Variants in TMEM255A observed in about 807,000 individuals in gnomAD.
The protein encoded by TMEM255A is family with sequence similarity 70, member A.
TMEM255A carries 14 observed loss-of-function variants against 23.5 expected under a neutral mutation model. The observed-to-expected ratio is 0.60, with a 90% CI of 0.39 to 0.93. TMEM255A has a LOEUF of 0.93. TMEM255A is among the 40% of genes least tolerant of loss of function. TMEM255A has a pLI of 0.00. For missense variants in TMEM255A, 233 were observed against 261.7 expected (o/e 0.89, Z 0.76); for synonymous variants, 104 against 100.3 (o/e 1.04, Z -0.22).
downstream of TMEM255A, chrX:120,254,311 C>T: frequency 8.3e-7 from 1 of 1,211,845 alleles, no homozygotes; most frequent in Middle Eastern, 2.3e-4. Flanking sequence ...TCTTCACTTC[C>T]AAATCATATG....
intron 8 of TMEM255A, 85 bp from the exon 9 acceptor site, chrX:120,261,113 C>A (rs2057677006): frequency 3.1e-5 from 33 of 1,079,703 alleles, no homozygotes; most frequent in Non-Finnish European, 3.9e-5. Flanking sequence ...TGAATATGGG[C>A]CAAAGCTTTT....
intron 6 of TMEM255A, among the ~76,000 whole-genome samples, chrX:120,279,425 T>C (rs1556020387): frequency 1.8e-5 from 2 of 112,450 alleles, no homozygotes; most frequent in Admixed American, 9.4e-5. Flanking sequence ...GCAGGGAGGA[T>C]GCACAGATTA....
intron 1 of TMEM255A, among the ~76,000 whole-genome samples, chrX:120,306,247 A>C (rs1220349220): frequency 9.0e-6 from 1 of 111,302 alleles, no homozygotes; most frequent in African/African-American, 3.3e-5. Flanking sequence ...TGGTAAACAC[A>C]GGAGCAAAGC....
intron 2 of TMEM255A, among the ~76,000 whole-genome samples, chrX:120,300,007 T>TG (rs1340898921): frequency 3.6e-5 from 4 of 112,101 alleles, no homozygotes; most frequent in Admixed American, 1.9e-4. Flanking sequence ...CAGAAATTCT[T>TG]GCTCTCTTTC....
intron 1 of TMEM255A, 111 bp from the exon 2 acceptor site, chrX:120,304,602 G>T: frequency 1.2e-6 from 1 of 833,019 alleles, no homozygotes; most frequent in African/African-American, 2.0e-5. Flanking sequence ...GGTAACTGAA[G>T]TTATCTTTGG....
chrX:120,300,515 G>A (rs1042605244), intron 2 of TMEM255A, among the ~76,000 whole-genome samples: 4 of 105,169 alleles, frequency 3.8e-5, no homozygotes, highest in Admixed American at 1.0e-4. Flanking sequence ...AGCCTCCCAC[G>A]TAACTGGGAC....
At chrX:120,256,561 T>C (rs782807099), downstream of TMEM255A, 5 of 122,852 alleles carry the variant, frequency 4.1e-5, no homozygotes, top group African/African-American at 1.3e-4. Context: ...TGCAATATTA[T>C]AGTAATCAGA....
intron 7 of TMEM255A, among the ~76,000 whole-genome samples, chrX:120,271,426 T>C (rs1203745657): frequency 8.9e-6 from 1 of 111,793 alleles, no homozygotes; most frequent in Admixed American, 9.5e-5. Flanking sequence ...AAAGTAGTAA[T>C]AGTGAAGATT....
chrX:120,304,623 TG>T (rs2058052733), intron 1 of TMEM255A, 132 bp from the exon 2 acceptor site: 1 of 607,028 alleles, frequency 1.6e-6, no homozygotes, highest in Non-Finnish European at 2.6e-6. Flanking sequence ...TGGTGACGGG[TG>T]GGGGGTTGTG....
chrX:120,285,909 G>A lies in TMEM255A; in HGVS notation c.424-694C>T. 2.5e-6 allele frequency: 3 copies of A among 1,181,408 alleles called. No homozygotes were observed. The South Asian group carries it at 5.4e-5, about 21-fold the overall frequency. ...TACCATCTCTTGTTAGCAAGAAATT[G>A]TCCAGCTCTCTCCCCCATCCAGATG... On this transcript the variant is annotated intron_variant, in intron 5 of 8. Coordinates refer to ENST00000371369, the MANE Select transcript of TMEM255A (RefSeq NM_001104544.3).
intron 1 of TMEM255A, among the ~76,000 whole-genome samples, chrX:120,311,013 G>A (rs1388260741): frequency 9.1e-6 from 1 of 110,160 alleles, no homozygotes; most frequent in Non-Finnish European, 1.9e-5. Flanking sequence ...CCCGCACTCC[G>A]GGGCAGAGAT....
chrX:120,308,962 A>G (rs1419423000), intron 1 of TMEM255A, among the ~76,000 whole-genome samples: 1 of 112,782 alleles, frequency 8.9e-6, no homozygotes, highest in Non-Finnish European at 1.9e-5. Context: ...TTGACAATAA[A>G]GGGAGTCCCC....
chrX:120,268,125 T>C lies in TMEM255A; in HGVS notation c.819+119A>G, dbSNP rs2057729500. 3.5e-6 allele frequency: 3 copies of C among 848,890 alleles called. No individual in the cohort carries two copies. The Admixed American group carries it at 1.0e-4, about 30-fold the overall frequency. The allele number at this position is 848,890 out of a possible 1,213,427, so 70.0% of individuals were successfully genotyped here. ...GGCTGCTGGCCATTAGGGAGATGCATGGCTACCTCATACATATGCAGACAA... is the reference window on the plus strand; with the variant it reads ...GGCTGCTGGCCATTAGGGAGATGCACGGCTACCTCATACATATGCAGACAA... On this transcript the variant is annotated intron_variant, in intron 8 of 8. Coordinates refer to ENST00000371369, the MANE Select transcript of TMEM255A (RefSeq NM_001104544.3).
chrX:120,299,398 C>T (rs1005896800), intron 2 of TMEM255A, among the ~76,000 whole-genome samples: 16 of 111,418 alleles, frequency 1.4e-4, no homozygotes, highest in Admixed American at 1.9e-4. Flanking sequence ...CAGCCGGCCT[C>T]GACCTCCTGG....
rs536564868 is a variant in TMEM255A, at chrX:120,270,881, A to C, written c.676-2494T>G. Among the ~76,000 whole-genome samples the C allele has an allele frequency of 5.4e-5, 6 of 111,575 alleles. No individual in the cohort carries two copies. The South Asian group carries it at 1.9e-3, about 35-fold the overall frequency. On this transcript the variant is annotated intron_variant, in intron 7 of 8. Transcript: ENST00000371369. ...CACCAACCACACTTGGATGTAGGCC[A>C]AGGATTGTACTTAGGCTCACCTGAA... is the stretch of plus-strand genomic sequence containing the variant.
At chrX:120,267,696 G>T (rs1274036678) in intron 8 of TMEM255A, among the ~76,000 whole-genome samples, 1 of 112,131 alleles carries the variant, frequency 8.9e-6, no homozygotes, top group Non-Finnish European at 1.9e-5. Context: ...CAGGGCAAAA[G>T]GGGGAGGGGT....
At chrX:120,254,948 A>G (rs1556015117), downstream of TMEM255A, 1 of 1,211,881 alleles carries the variant, frequency 8.3e-7, no homozygotes, top group Non-Finnish European at 1.1e-6. Context: ...GCTTGCGGAG[A>G]CATTTTAACA....
intron 1 of TMEM255A, among the ~76,000 whole-genome samples, chrX:120,305,522 G>A (rs1278817056): frequency 9.0e-6 from 1 of 110,824 alleles, no homozygotes; most frequent in East Asian, 2.8e-4. Flanking sequence ...CCCTGATGGA[G>A]TCGCCCACCC....
At chrX:120,308,152 C>A (rs1420015674) in intron 1 of TMEM255A, among the ~76,000 whole-genome samples, 1 of 111,699 alleles carries the variant, frequency 9.0e-6, no homozygotes, top group African/African-American at 3.3e-5. Context: ...TCCCAGGTAC[C>A]TTACTCAATA....
Sources: gnomAD v4.1 joint callset for allele counts (sites outside exome capture counted in the v4.1 genomes callset) on GRCh38, gnomAD v4.1.1 for gene constraint, MANE v1.5 for transcripts, NCBI Gene and HGNC (gene_info 2026-07-23, HGNC 2026-07-21) for gene names.